The following DGKH variants were observed in gnomAD, a reference collection of about 807,000 sequenced individuals.
DGKH encodes the protein diacylglycerol kinase eta.
In DGKH, 90 loss-of-function variants were observed where a neutral mutation model predicts 159.3. The ratio of observed to expected loss-of-function variants is 0.57; its 90% CI spans 0.48 to 0.67. DGKH has a LOEUF of 0.67. Among genes scored for constraint, DGKH ranks in the 30% least tolerant of loss-of-function variants. The pLI is 0.00. For missense variants in DGKH, 1,181 were observed against 1,506.1 expected (o/e 0.78, Z 3.57); for synonymous variants, 536 against 553.8 (o/e 0.97, Z 0.45).
At chr13:42,192,547 T>A (rs1957101987) in intron 16 of DGKH, among the ~76,000 whole-genome samples, 1 of 151,642 alleles carries the variant, frequency 6.6e-6, no homozygotes, top group African/African-American at 2.4e-5. Flanking sequence ...TTCCTTCTCC[T>A]CCTCCTCCTC....
intron 1 of DGKH, among the ~76,000 whole-genome samples, chr13:42,105,334 A>C (rs1170290762): frequency 6.6e-6 from 1 of 152,128 alleles, no homozygotes. Context: ...CTCTATGATA[A>C]CAACATTAAT....
intron 30 of DGKH, among the ~76,000 whole-genome samples, chr13:42,253,473 T>C (rs1958634715): frequency 6.6e-6 from 1 of 152,256 alleles, no homozygotes; most frequent in Admixed American, 6.5e-5. Context: ...TGTTTATTTA[T>C]TTTATAAAAG....
intron 24 of DGKH, among the ~76,000 whole-genome samples, chr13:42,213,551 T>C (rs139032076): frequency 5.3e-5 from 8 of 152,330 alleles, no homozygotes; most frequent in Non-Finnish European, 7.4e-5. Flanking sequence ...TTCTTCATGG[T>C]TTCTCAGGGT....
intron 1 of DGKH, among the ~76,000 whole-genome samples, chr13:42,121,750 G>C (rs957459953): frequency 6.6e-6 from 1 of 152,188 alleles, no homozygotes; most frequent in Non-Finnish European, 1.5e-5. Flanking sequence ...GGGGACTTAA[G>C]CGTTAAGGCA....
At chr13:42,221,161 G>A in intron 28 of DGKH, 103 bp from the exon 29 acceptor site, 1 of 1,438,590 alleles carries the variant, frequency 7.0e-7, no homozygotes, top group Non-Finnish European at 9.4e-7. Context: ...TCTTTTGCTA[G>A]CACTGCCGCT....
At chr13:42,251,529 CT>C (rs1432537868) in intron 29 of DGKH, among the ~76,000 whole-genome samples, 5 of 152,204 alleles carry the variant, frequency 3.3e-5, no homozygotes, top group Admixed American at 6.5e-5. Context: ...CTTCTTCCCT[CT>C]GTGTATTGAG....
Position 42,240,475 on chromosome 13 carries a change from T to C in DGKH, c.*11287T>C, listed in dbSNP as rs1022004079. The C allele has an allele frequency of 3.3e-5, 5 of 152,256 alleles. No individual in the cohort carries two copies. Among genetic ancestry groups the C allele is most frequent in the Non-Finnish European group, 7.3e-5 (5 of 68,042 alleles). 9.4% of individuals were successfully genotyped at this position (152,256 alleles called of 1,614,324 possible). On this transcript the variant is annotated 3_prime_UTR_variant, in exon 30 of 30. Transcript: ENST00000337343. Reference sequence around the variant, plus strand: ...CCCTAAAGATCATCTTTCTCTTTTATAGACATTTAGTGTATACAGTCCACA... The same window carrying C: ...CCCTAAAGATCATCTTTCTCTTTTACAGACATTTAGTGTATACAGTCCACA...
At chr13:42,050,742 C>T (rs532923429) in intron 1 of DGKH, among the ~76,000 whole-genome samples, 14 of 152,148 alleles carry the variant, frequency 9.2e-5, no homozygotes, top group South Asian at 2.1e-4. Flanking sequence ...GTAATCCCTG[C>T]ACTTTGGGAG....
At chr13:42,186,007 GGTGGTGTGTGTGTGTGTGT>G (rs1327222494) in intron 13 of DGKH, among the ~76,000 whole-genome samples, 7 of 91,180 alleles carry the variant, frequency 7.7e-5, no homozygotes, top group Non-Finnish European at 1.1e-4. Context: ...TGGTGGTGGT[GGTGGTGTGTGTGTGTGTGT>G]GTGTGTGTGT....
intron 21 of DGKH, among the ~76,000 whole-genome samples, chr13:42,206,983 C>G (rs1594206401): frequency 2.1e-5 from 2 of 96,002 alleles, no homozygotes; most frequent in South Asian, 7.0e-4. Context: ...CTTTTTCTTT[C>G]TTTCTTTCTT....
At chr13:42,053,785 A>AT (rs1420506590) in intron 1 of DGKH, among the ~76,000 whole-genome samples, 1 of 151,568 alleles carries the variant, frequency 6.6e-6, no homozygotes, top group African/African-American at 2.4e-5. Flanking sequence ...TGCCCAGCTA[A>AT]TTTTTTTGTA....
chr13:42,113,499 G>A (rs1441114350), intron 1 of DGKH, among the ~76,000 whole-genome samples: 2 of 152,182 alleles, frequency 1.3e-5, no homozygotes, highest in Non-Finnish European at 2.9e-5. Flanking sequence ...TAAATACAGA[G>A]TCTTACATTT....
At chr13:42,174,711 T>C (rs1465273595) in intron 12 of DGKH, among the ~76,000 whole-genome samples, 1 of 152,192 alleles carries the variant, frequency 6.6e-6, no homozygotes, top group African/African-American at 2.4e-5. Flanking sequence ...TTCTTGTTCT[T>C]TTCTTTTTGA....
chr13:42,141,421 T>C (rs1379451037), intron 3 of DGKH, among the ~76,000 whole-genome samples: 3 of 152,134 alleles, frequency 2.0e-5, no homozygotes, highest in Non-Finnish European at 4.4e-5. Context: ...TACCCAGTAA[T>C]GGGATGGCTG....
intron 26 of DGKH, 33 bp downstream of exon 26, chr13:42,215,700 G>A (rs531809403): frequency 6.4e-7 from 1 of 1,563,956 alleles, no homozygotes; most frequent in South Asian, 1.1e-5. Context: ...ACATAAGAAT[G>A]ATGAATTAAA....
intron 1 of DGKH, among the ~76,000 whole-genome samples, chr13:42,087,095 AGTAGG>A (rs1266453227): frequency 5.8e-5 from 8 of 138,304 alleles, no homozygotes; most frequent in African/African-American, 2.1e-4. Flanking sequence ...CTCAGAACAG[AGTAGG>A]CACAACAATC....
intron 8 of DGKH, among the ~76,000 whole-genome samples, chr13:42,166,119 T>C (rs1191281697): frequency 1.3e-5 from 2 of 152,134 alleles, no homozygotes; most frequent in East Asian, 1.9e-4. Flanking sequence ...TTTCAAACTT[T>C]TTAATTTATG....
At chr13:42,040,865 C>T (rs1463435841) in intron 1 of DGKH, among the ~76,000 whole-genome samples, 5 of 146,614 alleles carry the variant, frequency 3.4e-5, no homozygotes, top group African/African-American at 4.9e-5. Flanking sequence ...GGGCGGCCGG[C>T]GGGCGCGGGC....
At chr13:42,074,988 C>G (rs888734452) in intron 1 of DGKH, among the ~76,000 whole-genome samples, 21 of 152,138 alleles carry the variant, frequency 1.4e-4, no homozygotes, top group Non-Finnish European at 2.5e-4. Flanking sequence ...TAAGTTAGTA[C>G]AGCAAACAGG....
Sources: gnomAD v4.1 joint callset for allele counts (sites outside exome capture counted in the v4.1 genomes callset) on GRCh38, gnomAD v4.1.1 for gene constraint, MANE v1.5 for transcripts, NCBI Gene and HGNC (gene_info 2026-07-23, HGNC 2026-07-21) for gene names.